FER1L6: variants seen among roughly 807,000 people sequenced by gnomAD.
FER1L6 encodes fer-1-like protein 6.
FER1L6 carries 177 observed loss-of-function variants against 219.2 expected under a neutral mutation model. The ratio of observed to expected loss-of-function variants is 0.81; its 90% CI spans 0.71 to 0.91. The LOEUF (loss-of-function observed/expected upper bound fraction) is 0.91, where lower values mean the gene tolerates loss of function less well. Among genes scored for constraint, FER1L6 ranks in the 40% least tolerant of loss-of-function variants. The pLI, the probability that FER1L6 is intolerant of heterozygous loss-of-function variation, is 0.00. For missense variants in FER1L6, 2,153 were observed against 2,259.9 expected (o/e 0.95, Z 0.96); for synonymous variants, 768 against 824.3 (o/e 0.93, Z 1.17).
At chr8:123,985,973 T>G in intron 11 of FER1L6, 95 bp from the exon 12 acceptor site, 1 of 710,448 alleles carries the variant, frequency 1.4e-6, no homozygotes, top group South Asian at 1.7e-5. Context: ...CCCAAATGTT[T>G]ATAAATTATG....
Position 123,868,364 on chromosome 8 carries a change from G to A in FER1L6, c.-8+16179G>A, listed in dbSNP as rs1217141286. Among the ~76,000 whole-genome samples the A allele has an allele frequency of 4.6e-5, 7 of 152,304 alleles. No individual in the cohort carries two copies. The East Asian group carries it at 1.3e-3, about 29-fold the overall frequency. ...AGAAAGAGACAGATGATAAGCAAAA[G>A]CCTAAAAACATAGCATCATTTCTAG... is the stretch of plus-strand genomic sequence containing the variant. On this transcript the variant is annotated intron_variant, in intron 1 of 40. Coordinates refer to ENST00000522917, the MANE Select transcript of FER1L6 (RefSeq NM_001039112.2).
chr8:123,974,076 C>A (rs1433703970), intron 7 of FER1L6, among the ~76,000 whole-genome samples: 1 of 152,140 alleles, frequency 6.6e-6, no homozygotes, highest in Non-Finnish European at 1.5e-5. Flanking sequence ...AAGAGAAACT[C>A]AGAAAAGCAA....
At chr8:124,092,196 G>A (rs570255951) in intron 34 of FER1L6, among the ~76,000 whole-genome samples, 1 of 152,208 alleles carries the variant, frequency 6.6e-6, no homozygotes, top group South Asian at 2.1e-4. Context: ...AGATTATAAT[G>A]ATTCTCCTTT....
intron 13 of FER1L6, among the ~76,000 whole-genome samples, chr8:124,009,903 C>T (rs1257830099): frequency 5.6e-5 from 8 of 143,836 alleles, no homozygotes; most frequent in East Asian, 2.4e-4. Flanking sequence ...AGCTGGCAAC[C>T]CGGGCAGGAG....
At chr8:124,014,723 C>A (rs1338649610) in intron 15 of FER1L6, among the ~76,000 whole-genome samples, 1 of 151,992 alleles carries the variant, frequency 6.6e-6, no homozygotes, top group South Asian at 2.1e-4. Context: ...AATTAGTAAC[C>A]CTTATTCTAG....
intron 1 of FER1L6, among the ~76,000 whole-genome samples, chr8:123,920,379 C>T (rs1476828068): frequency 6.6e-6 from 1 of 152,232 alleles, no homozygotes; most frequent in Non-Finnish European, 1.5e-5. Flanking sequence ...GCCCCATCAT[C>T]TAGCCTCTGA....
At chr8:124,062,528 A>G (rs1362174191) in intron 25 of FER1L6, among the ~76,000 whole-genome samples, 1 of 152,250 alleles carries the variant, frequency 6.6e-6, no homozygotes, top group Non-Finnish European at 1.5e-5. Flanking sequence ...TACCTAAATA[A>G]TATGATGCTA....
intron 32 of FER1L6, 95 bp downstream of exon 32, chr8:124,076,420 G>C: frequency 8.0e-7 from 1 of 1,245,976 alleles, no homozygotes; most frequent in Non-Finnish European, 1.2e-6. Flanking sequence ...GTGTTCCTGG[G>C]TGAAATGGTT....
At chr8:123,857,565 C>T (rs903508501) in intron 1 of FER1L6, among the ~76,000 whole-genome samples, 12 of 152,132 alleles carry the variant, frequency 7.9e-5, no homozygotes, top group Non-Finnish European at 1.3e-4. Context: ...GCAGTTAAAA[C>T]TTTTTCCTTC....
chr8:124,039,762 G>A (rs1266498060), intron 19 of FER1L6, 120 bp from the exon 20 acceptor site: 1 of 1,265,652 alleles, frequency 7.9e-7, no homozygotes, highest in Non-Finnish European at 1.1e-6. Flanking sequence ...GGATGTGGCT[G>A]GTGGTCTCCT....
At position 123,852,384 on chromosome 8, in the gene FER1L6, A is replaced by G. The variant is rs1052057657; in HGVS notation, c.-8+199A>G. Among the ~76,000 whole-genome samples the G allele has an allele frequency of 6.6e-6, 1 of 151,754 alleles. No homozygotes were observed. The highest frequency in any genetic ancestry group is 1.9e-4 in the East Asian group (1 of 5,164). ...TGGTGCCATATATTGGGGACTCAGCATTGGTCTCTGCTGTTGGCAGATTGG... is the reference window on the plus strand; with the variant it reads ...TGGTGCCATATATTGGGGACTCAGCGTTGGTCTCTGCTGTTGGCAGATTGG... On this transcript the variant is annotated intron_variant, in intron 1 of 40. Coordinates refer to ENST00000522917, the MANE Select transcript of FER1L6 (RefSeq NM_001039112.2). The surrounding 1 kb of genome is among the most constrained non-coding windows in gnomAD (Gnocchi z 4.9).
chr8:124,101,302 T>G lies in FER1L6; in HGVS notation c.5089T>G (p.Trp1697Gly). ...TCCTGCTGTGTTGGTGCTGCAGGTTTGGGATTTTGAAAGGCTGTCCTCAGA... is the reference window on the plus strand; with the variant it reads ...TCCTGCTGTGTTGGTGCTGCAGGTTGGGGATTTTGAAAGGCTGTCCTCAGA... ...KTPAVLVLQVWDFERLSSDDF... is the reference protein window; with the variant it reads ...KTPAVLVLQVGDFERLSSDDF... Residue 1697 changes from tryptophan (W) to glycine (G), a missense_variant, in exon 38 of 41, where the codon TGG becomes GGG. Coordinates refer to ENST00000522917, the MANE Select transcript of FER1L6 (RefSeq NM_001039112.2). The G allele has an allele frequency of 1.2e-6, 2 of 1,613,806 alleles. No individual in the cohort carries two copies. The highest frequency in any genetic ancestry group is 2.2e-5 in the East Asian group (1 of 44,812).
intron 1 of FER1L6, among the ~76,000 whole-genome samples, chr8:123,865,776 G>A (rs183577916): frequency 4.6e-5 from 7 of 151,180 alleles, no homozygotes; most frequent in South Asian, 2.1e-4. Context: ...TCTTTGACTC[G>A]GAAAGGGAAC....
chr8:124,080,304 T>C (rs1281133836), intron 32 of FER1L6, among the ~76,000 whole-genome samples: 3 of 152,078 alleles, frequency 2.0e-5, no homozygotes, highest in Non-Finnish European at 4.4e-5. Flanking sequence ...AGTTCAACCA[T>C]AGTGGGCTGT....
rs968596987 is a variant in FER1L6 at position 123,870,322 on chromosome 8, C to T, written c.-8+18137C>T. Among the ~76,000 whole-genome samples, 13 of 152,090 alleles carry T rather than the reference C, an allele frequency of 8.5e-5. No homozygotes were observed. In the East Asian group the frequency reaches 2.1e-3, roughly 25 times the overall value. ...GTATTTGCACAACTGATTTGAAAAC[C>T]GATGTCCACAGAAAACCCAGCACGT... On this transcript the variant is annotated intron_variant, in intron 1 of 40. Transcript: ENST00000522917.
At chr8:123,965,423 A>G (rs1815492443) in intron 3 of FER1L6, among the ~76,000 whole-genome samples, 1 of 152,208 alleles carries the variant, frequency 6.6e-6, no homozygotes, top group Non-Finnish European at 1.5e-5. Flanking sequence ...CCATCTCTAA[A>G]TGCCCAGGTG....
chr8:123,917,301 G>A (rs1243365687), intron 1 of FER1L6, among the ~76,000 whole-genome samples: 2 of 152,188 alleles, frequency 1.3e-5, no homozygotes, highest in Non-Finnish European at 2.9e-5. Flanking sequence ...AATTTTTAAG[G>A]TCAAATGAGA....
chr8:124,067,180 G>A (rs969693641), intron 27 of FER1L6, among the ~76,000 whole-genome samples: 1 of 152,324 alleles, frequency 6.6e-6, no homozygotes, highest in Middle Eastern at 3.4e-3. Flanking sequence ...CTCCGATGTT[G>A]TATTTAATTG....
chr8:123,906,660 C>T (rs1366573758), intron 1 of FER1L6, among the ~76,000 whole-genome samples: 5 of 151,684 alleles, frequency 3.3e-5, no homozygotes, highest in South Asian at 2.1e-4. Context: ...ATTAGCTTGG[C>T]GTGGTGGTGT....
Sources: allele counts gnomAD v4.1 joint callset (sites outside exome capture counted in the v4.1 genomes callset), GRCh38; gene constraint gnomAD v4.1.1; non-coding constraint Gnocchi (gnomAD v3.1); transcripts MANE v1.5; gene names NCBI Gene and HGNC (gene_info 2026-07-23, HGNC 2026-07-21).